The following UVRAG variants were observed in gnomAD, a reference collection of about 807,000 sequenced individuals.
UVRAG encodes UV radiation resistance associated, also known as UV radiation resistance-associated gene protein.
A neutral mutation model predicts 78.0 loss-of-function variants in UVRAG; 19 were observed. The observed-to-expected ratio is 0.24, with a 90% CI of 0.17 to 0.36. UVRAG has a LOEUF of 0.36. Ranked by LOEUF, UVRAG falls within the 10% of genes least tolerant of loss-of-function variation. UVRAG has a pLI of 1.00. For synonymous variants in UVRAG, 323 were observed against 324.6 expected, an observed-to-expected ratio of 1.00 and a Z score of 0.05; for missense variants, 740 against 853.8, an observed-to-expected ratio of 0.87 and a Z score of 1.66.
intron 1 of UVRAG, among the ~76,000 whole-genome samples, chr11:75,818,570 CT>C (rs1945316924): frequency 6.6e-6 from 1 of 151,812 alleles, no homozygotes; most frequent in South Asian, 2.1e-4. Context: ...CCTCTGCCTC[CT>C]GGGTTCAAGC....
chr11:75,877,021 G>T (rs1184198764), intron 3 of UVRAG, among the ~76,000 whole-genome samples: 18 of 151,162 alleles, frequency 1.2e-4, no homozygotes, highest in African/African-American at 3.7e-4. Context: ...GTGTCCCTGG[G>T]TACTTGAGAT....
intron 6 of UVRAG, among the ~76,000 whole-genome samples, chr11:75,951,509 A>G (rs1473663068): frequency 1.3e-5 from 2 of 151,974 alleles, no homozygotes; most frequent in Admixed American, 1.3e-4. Context: ...CAGCCTCCCA[A>G]GTAGCTGGGA....
At chr11:75,845,293 CT>C (rs1248662400) in intron 1 of UVRAG, among the ~76,000 whole-genome samples, 4 of 152,204 alleles carry the variant, frequency 2.6e-5, no homozygotes, top group African/African-American at 9.7e-5. Context: ...ACTCAGCCAC[CT>C]GAAGCTACCA....
chr11:75,936,749 T>TA (rs1465414376), intron 6 of UVRAG, among the ~76,000 whole-genome samples: 1 of 152,130 alleles, frequency 6.6e-6, no homozygotes, highest in Admixed American at 6.5e-5. Flanking sequence ...ATAATAATAA[T>TA]AAAAAAACCC....
intron 1 of UVRAG, among the ~76,000 whole-genome samples, chr11:75,847,679 A>T (rs1946064229): frequency 6.6e-6 from 1 of 151,414 alleles, no homozygotes; most frequent in Non-Finnish European, 1.5e-5. Flanking sequence ...ACCCATAAAG[A>T]GTTTATTAGC....
chr11:76,048,040 G>A (rs1950795714), intron 12 of UVRAG, among the ~76,000 whole-genome samples: 1 of 152,234 alleles, frequency 6.6e-6, no homozygotes, highest in Non-Finnish European at 1.5e-5. Context: ...ACACAAGTTT[G>A]TATTAAAGGC....
At chr11:76,071,629 A>G (rs1951311196) in intron 13 of UVRAG, among the ~76,000 whole-genome samples, 1 of 152,146 alleles carries the variant, frequency 6.6e-6, no homozygotes, top group Admixed American at 6.6e-5. Flanking sequence ...AATGGATTGC[A>G]GGGAACTAGA....
At chr11:75,834,450 T>G (rs1945735249) in intron 1 of UVRAG, among the ~76,000 whole-genome samples, 1 of 152,166 alleles carries the variant, frequency 6.6e-6, no homozygotes, top group African/African-American at 2.4e-5. Flanking sequence ...GTCTGATTTT[T>G]CAACTCTAAT....
At chr11:75,918,379 G>GA (rs35021766) in intron 6 of UVRAG, among the ~76,000 whole-genome samples, 2,378 of 113,502 alleles carry the variant, frequency 0.021, 63 homozygotes, top group African/African-American at 0.065. Context: ...CTCCGTCTCA[G>GA]AAAAAAAAAA....
chr11:76,110,563 A>AAAC (rs1416580979), intron 13 of UVRAG, among the ~76,000 whole-genome samples: 1 of 152,204 alleles, frequency 6.6e-6, no homozygotes, highest in Non-Finnish European at 1.5e-5. Context: ...CAGTTGGTTA[A>AAAC]GGCTTTCCAA....
intron 12 of UVRAG, among the ~76,000 whole-genome samples, chr11:76,018,322 TA>T (rs911178829): frequency 1.4e-3 from 209 of 145,524 alleles, no homozygotes; most frequent in Middle Eastern, 3.5e-3. Flanking sequence ...CTTGTTTCTT[TA>T]AAAAAAAAAA....
intron 12 of UVRAG, among the ~76,000 whole-genome samples, chr11:76,063,929 G>A (rs1951139040): frequency 6.6e-6 from 1 of 152,174 alleles, no homozygotes; most frequent in African/African-American, 2.4e-5. Flanking sequence ...ATGAATGCAT[G>A]ATAGTTATAA....
At chr11:75,863,679 T>TA (rs1946472811) in intron 3 of UVRAG, among the ~76,000 whole-genome samples, 1 of 152,250 alleles carries the variant, frequency 6.6e-6, no homozygotes, top group Admixed American at 6.5e-5. Context: ...GAGGTCATGA[T>TA]ACCTTCATCC....
At chr11:75,958,153 C>G (rs573595658) in intron 6 of UVRAG, among the ~76,000 whole-genome samples, 4 of 152,282 alleles carry the variant, frequency 2.6e-5, no homozygotes, top group Admixed American at 6.5e-5. Flanking sequence ...TGGCTGCTGA[C>G]TGATCAGATT....
intron 1 of UVRAG, among the ~76,000 whole-genome samples, chr11:75,843,950 C>T (rs1014569506): frequency 6.2e-4 from 88 of 142,672 alleles, no homozygotes; most frequent in Middle Eastern, 7.1e-3. Flanking sequence ...CAGAGCAAGA[C>T]GCCATCTAAA....
At chr11:75,905,322 T>C (rs1427206375) in intron 5 of UVRAG, among the ~76,000 whole-genome samples, 1 of 152,212 alleles carries the variant, frequency 6.6e-6, no homozygotes, top group Non-Finnish European at 1.5e-5. Context: ...TTAACTGTTT[T>C]GAAGTGTGCA....
intron 8 of UVRAG, among the ~76,000 whole-genome samples, chr11:75,995,936 A>C (rs570658523): frequency 9.9e-5 from 15 of 152,150 alleles, no homozygotes; most frequent in Non-Finnish European, 2.1e-4. Flanking sequence ...CTGAGGACAG[A>C]TTCTCCCTAG....
At chr11:76,080,053 C>G (rs991515863) in intron 13 of UVRAG, among the ~76,000 whole-genome samples, 9 of 152,116 alleles carry the variant, frequency 5.9e-5, no homozygotes, top group African/African-American at 2.2e-4. Flanking sequence ...GAAAATTGGA[C>G]TGAATTCACC....
intron 12 of UVRAG, among the ~76,000 whole-genome samples, chr11:76,059,844 G>A (rs1046054253): frequency 3.9e-5 from 6 of 152,218 alleles, no homozygotes; most frequent in Admixed American, 1.3e-4. Context: ...TTGAGGTAAA[G>A]TCATTGCCTC....
Sources: gnomAD v4.1 joint callset for allele counts (sites outside exome capture counted in the v4.1 genomes callset) on GRCh38, gnomAD v4.1.1 for gene constraint, MANE v1.5 for transcripts, NCBI Gene and HGNC (gene_info 2026-07-23, HGNC 2026-07-21) for gene names.